ZDHHC21: variants seen among roughly 807,000 people sequenced by gnomAD.
The protein encoded by ZDHHC21 is zDHHC palmitoyltransferase 21, also known as palmitoyltransferase ZDHHC21.
Under a neutral mutation model 34.6 loss-of-function variants are expected in ZDHHC21, and 15 were observed. The observed-to-expected ratio is 0.43, with a 90% CI of 0.29 to 0.67. The LOEUF is 0.67. Among genes scored for constraint, ZDHHC21 ranks in the 30% least tolerant of loss-of-function variants. ZDHHC21 has a pLI of 0.14. For synonymous variants in ZDHHC21, 142 were observed against 101.8 expected, an observed-to-expected ratio of 1.40 and a Z score of -2.38; for missense variants, 344 against 327.7, an observed-to-expected ratio of 1.05 and a Z score of -0.38.
intron 7 of ZDHHC21, 114 bp downstream of exon 7, chr9:14,658,635 C>T (rs1414250061): frequency 1.2e-6 from 1 of 824,116 alleles, no homozygotes; most frequent in Non-Finnish European, 1.8e-6. Context: ...CCTCGCCCGG[C>T]TAATTTTTTG....
chr9:14,624,015 T>TAC (rs988390667), intron 8 of ZDHHC21, among the ~76,000 whole-genome samples: 4 of 152,102 alleles, frequency 2.6e-5, no homozygotes, highest in African/African-American at 9.7e-5. Context: ...CAGCACTGGG[T>TAC]ACACTGTCAG....
chr9:14,682,395 T>G (rs560515977), intron 2 of ZDHHC21, among the ~76,000 whole-genome samples: 5 of 152,108 alleles, frequency 3.3e-5, no homozygotes, highest in Non-Finnish European at 7.4e-5. Context: ...GCAATCCTAG[T>G]CTCTGATGAA....
intron 8 of ZDHHC21, among the ~76,000 whole-genome samples, chr9:14,633,088 C>G (rs1827637876): frequency 6.6e-6 from 1 of 152,120 alleles, no homozygotes; most frequent in Non-Finnish European, 1.5e-5. Flanking sequence ...AATGTACGTC[C>G]ACACAAAAAC....
At chr9:14,668,037 A>G (rs1188647543) in intron 5 of ZDHHC21, among the ~76,000 whole-genome samples, 1 of 83,636 alleles carries the variant, frequency 1.2e-5, no homozygotes, top group African/African-American at 4.6e-5. Flanking sequence ...AGGGTATTCA[A>G]TTAGGAAAAG....
At position 14,612,973 on chromosome 9, in the gene ZDHHC21, T is replaced by G. The variant is rs1025553268; in HGVS notation, c.*5993A>C. The G allele has an allele frequency of 6.6e-6, 1 of 151,788 alleles. No individual in the cohort carries two copies. Among genetic ancestry groups the G allele is most frequent in the African/African-American group, 2.4e-5 (1 of 41,374 alleles). The allele number at this position is 151,788 out of a possible 1,614,324, so 9.4% of individuals were successfully genotyped here. A position where few individuals can be genotyped will look rare whatever the true frequency, so the allele number is the denominator to read the frequency against. ...CTAAAGTGCCCAATAAGCTATATAG[T>G]TCATTTATATAAATTAGAGTTCTTA... On this transcript the variant is annotated 3_prime_UTR_variant, in exon 10 of 10. Coordinates refer to ENST00000380916, the MANE Select transcript of ZDHHC21 (RefSeq NM_178566.6).
rs1254152533 is a variant in ZDHHC21 at position 14,619,624 on chromosome 9, C to CA, written c.665+14dup. 1 of 1,405,088 alleles carries CA rather than the reference C, an allele frequency of 7.1e-7. No homozygotes were observed. The highest frequency in any genetic ancestry group is 1.4e-5 in the African/African-American group (1 of 69,632). The allele number at this position is 1,405,088 out of a possible 1,614,324, so 87.0% of individuals were successfully genotyped here. A position where few individuals can be genotyped will look rare whatever the true frequency, so the allele number is the denominator to read the frequency against. On this transcript the variant is annotated intron_variant, in intron 9 of 9. Coordinates refer to ENST00000380916, the MANE Select transcript of ZDHHC21 (RefSeq NM_178566.6). ...CAATTTTAAATAATACTATACACTT[C>CA]AGTTTTATACTTACATATCTTCACA... is the stretch of plus-strand genomic sequence containing the variant.
intron 4 of ZDHHC21, among the ~76,000 whole-genome samples, chr9:14,673,387 A>G (rs1587380072): frequency 6.6e-6 from 1 of 152,046 alleles, no homozygotes; most frequent in Non-Finnish European, 1.5e-5. Context: ...TCTTAAAATG[A>G]TTAGTTTGAT....
At chr9:14,603,831 G>C in the ZDHHC21 span, among the ~76,000 whole-genome samples, 1 of 152,178 alleles carries the variant, frequency 6.6e-6, no homozygotes, top group Non-Finnish European at 1.5e-5. Flanking sequence ...TAAGTATTCA[G>C]TAATGTGGTT....
chr9:14,594,448 A>T, the ZDHHC21 span, among the ~76,000 whole-genome samples: 3 of 152,358 alleles, frequency 2.0e-5, no homozygotes, highest in East Asian at 5.8e-4. Context: ...AAACAATTCA[A>T]TGGGGAAAGA....
chr9:14,673,725 T>C (rs1455659678), intron 4 of ZDHHC21, among the ~76,000 whole-genome samples: 1 of 136,420 alleles, frequency 7.3e-6, no homozygotes, highest in Non-Finnish European at 1.6e-5. Context: ...TTTATTTTAA[T>C]CATAAGCAAG....
At chr9:14,684,968 A>C (rs1838048318) in intron 2 of ZDHHC21, among the ~76,000 whole-genome samples, 1 of 152,252 alleles carries the variant, frequency 6.6e-6, no homozygotes, top group Non-Finnish European at 1.5e-5. Context: ...TTCCCTATTT[A>C]ATAAATGGTG....
intron 6 of ZDHHC21, 134 bp from the exon 7 acceptor site, chr9:14,659,021 G>A: frequency 2.4e-6 from 2 of 827,834 alleles, no homozygotes; most frequent in East Asian, 2.7e-5. Context: ...GCCACTTGAA[G>A]GTAAAAACAA....
chr9:14,622,921 T>C (rs1047860144), intron 8 of ZDHHC21, among the ~76,000 whole-genome samples: 7 of 152,208 alleles, frequency 4.6e-5, no homozygotes, highest in Middle Eastern at 3.4e-3. Context: ...TTTATTATTA[T>C]AGGTCTTGTT....
At chr9:14,591,123 G>A in the ZDHHC21 span, among the ~76,000 whole-genome samples, 23 of 152,078 alleles carry the variant, frequency 1.5e-4, no homozygotes, top group African/African-American at 5.5e-4. Context: ...AACCAATAGT[G>A]GGAATAAAAT....
At chr9:14,605,674 G>C in the ZDHHC21 span, among the ~76,000 whole-genome samples, 2 of 152,168 alleles carry the variant, frequency 1.3e-5, no homozygotes, top group Admixed American at 1.3e-4. Flanking sequence ...TAGCTATGCA[G>C]AAGCTTTTAA....
the ZDHHC21 span, among the ~76,000 whole-genome samples, chr9:14,602,089 A>T: frequency 6.6e-6 from 1 of 152,054 alleles, no homozygotes; most frequent in African/African-American, 2.4e-5. Flanking sequence ...TGGCAAGTGT[A>T]TATCTATGTA....
chr9:14,677,318 C>CT (rs1337229605), intron 3 of ZDHHC21: 1 of 151,828 alleles, frequency 6.6e-6, no homozygotes, highest in Non-Finnish European at 1.5e-5. Flanking sequence ...AAACTTAGCT[C>CT]CACATAATCC....
At position 14,612,143 on chromosome 9, in the gene ZDHHC21, T is replaced by C. The variant is rs867212080; in HGVS notation, c.*6823A>G. ...AATTTTGCTTTCACCTCTAATGATA[T>C]GTTCATCTAGATTTCTACATATCGT... On this transcript the variant is annotated 3_prime_UTR_variant, in exon 10 of 10. Coordinates refer to ENST00000380916, the MANE Select transcript of ZDHHC21 (RefSeq NM_178566.6). 4.6e-5 allele frequency: 7 copies of C among 152,092 alleles called. No individual in the cohort carries two copies. The highest frequency in any genetic ancestry group is 2.9e-5 in the Non-Finnish European group (2 of 67,954). The allele number at this position is 152,092 out of a possible 1,614,324, so 9.4% of individuals were successfully genotyped here.
intron 8 of ZDHHC21, among the ~76,000 whole-genome samples, chr9:14,625,132 T>C (rs948633414): frequency 6.6e-6 from 1 of 152,092 alleles, no homozygotes; most frequent in Non-Finnish European, 1.5e-5. Flanking sequence ...CAGCACATAC[T>C]GTACAAAATG....
Sources: gnomAD v4.1 joint callset for allele counts (sites outside exome capture counted in the v4.1 genomes callset) on GRCh38, gnomAD v4.1.1 for gene constraint, MANE v1.5 for transcripts, NCBI Gene and HGNC (gene_info 2026-07-23, HGNC 2026-07-21) for gene names.